Variants in FAR2 observed in about 807,000 individuals in gnomAD.
FAR2 encodes the protein epididymis secretory protein Li 81.
A neutral mutation model predicts 56.0 loss-of-function variants in FAR2; 19 were observed. The ratio of observed to expected loss-of-function variants is 0.34; its 90% CI spans 0.24 to 0.50. The LOEUF is 0.50. FAR2 is among the 20% of genes least tolerant of loss of function. The pLI, the probability that FAR2 is intolerant of heterozygous loss-of-function variation, is 0.98. For missense variants in FAR2, 508 were observed against 642.2 expected (o/e 0.79, Z 2.26); for synonymous variants, 219 against 218.8 (o/e 1.00, Z -0.01).
chr12:29,176,974 C>T (rs1014551694), intron 1 of FAR2, among the ~76,000 whole-genome samples: 8 of 152,216 alleles, frequency 5.3e-5, no homozygotes, highest in African/African-American at 1.9e-4. Context: ...TTAATTTAGC[C>T]ATGCTGACCT....
chr12:29,263,975 T>C (rs938373636), intron 1 of FAR2, among the ~76,000 whole-genome samples: 2 of 152,108 alleles, frequency 1.3e-5, no homozygotes, highest in Non-Finnish European at 2.9e-5. Context: ...AGTATTACCC[T>C]GATACCAAAA....
intron 10 of FAR2, among the ~76,000 whole-genome samples, chr12:29,329,165 A>G (rs1385745729): frequency 6.6e-6 from 1 of 152,246 alleles, no homozygotes; most frequent in Non-Finnish European, 1.5e-5. Flanking sequence ...TCACATATAG[A>G]CAAAATTCTT....
intron 1 of FAR2, among the ~76,000 whole-genome samples, chr12:29,223,508 C>T (rs183315014): frequency 2.6e-5 from 4 of 152,300 alleles, no homozygotes; most frequent in Admixed American, 2.6e-4. Context: ...AACAAAAGGA[C>T]TGGATACTCC....
intron 1 of FAR2, among the ~76,000 whole-genome samples, chr12:29,210,497 C>T (rs1447076928): frequency 6.6e-6 from 1 of 152,078 alleles, no homozygotes; most frequent in East Asian, 1.9e-4. Context: ...GTGGTTTGGC[C>T]TTATTGTATG....
intron 1 of FAR2, among the ~76,000 whole-genome samples, chr12:29,178,729 C>G (rs1306011231): frequency 6.6e-6 from 1 of 152,172 alleles, no homozygotes; most frequent in Admixed American, 6.5e-5. Context: ...ACTAGAGAAA[C>G]TACATTAGAG....
chr12:29,271,280 A>G (rs1948614006), intron 2 of FAR2, among the ~76,000 whole-genome samples: 1 of 152,234 alleles, frequency 6.6e-6, no homozygotes, highest in African/African-American at 2.4e-5. Context: ...TTTAATTTAT[A>G]AATTTCAAGG....
chr12:29,312,456 G>A (rs920161652), intron 8 of FAR2, among the ~76,000 whole-genome samples: 2 of 152,034 alleles, frequency 1.3e-5, no homozygotes, highest in Non-Finnish European at 2.9e-5. Context: ...CTCCACTAGC[G>A]ATTTGTAAAA....
At chr12:29,238,590 T>C (rs1243652359) in intron 1 of FAR2, among the ~76,000 whole-genome samples, 4 of 152,146 alleles carry the variant, frequency 2.6e-5, no homozygotes. Flanking sequence ...ACAAAATGTT[T>C]GGAAACAGCT....
At chr12:29,293,663 T>C in intron 3 of FAR2, 188 bp downstream of exon 3, 1 of 425,312 alleles carries the variant, frequency 2.4e-6, no homozygotes, top group Non-Finnish European at 3.9e-6. Context: ...CCAATTTTTC[T>C]TTATGTATCT....
intron 1 of FAR2, chr12:29,157,106 T>TTATATA (rs5797307): frequency 0.14 from 9,911 of 72,970 alleles, 902 homozygotes; most frequent in East Asian, 0.18. Flanking sequence ...AAAGAACATT[T>TTATATA]TATATATATA....
At chr12:29,308,709 C>G (rs576245502) in intron 5 of FAR2, among the ~76,000 whole-genome samples, 1 of 103,690 alleles carries the variant, frequency 9.6e-6, no homozygotes, top group African/African-American at 4.3e-5. Context: ...CACACACACA[C>G]ACACACACAC....
At chr12:29,170,253 G>A (rs1949872329) in intron 1 of FAR2, among the ~76,000 whole-genome samples, 1 of 152,208 alleles carries the variant, frequency 6.6e-6, no homozygotes, top group Non-Finnish European at 1.5e-5. Flanking sequence ...TTAATCGCCT[G>A]GGAGGAAACA....
At chr12:29,180,130 G>A (rs1028426965) in intron 1 of FAR2, among the ~76,000 whole-genome samples, 10 of 151,954 alleles carry the variant, frequency 6.6e-5, no homozygotes, top group African/African-American at 2.4e-4. Flanking sequence ...TCCCTCAAAG[G>A]CTCACTCACT....
intron 1 of FAR2, among the ~76,000 whole-genome samples, chr12:29,216,875 A>G (rs1194677405): frequency 1.3e-5 from 2 of 152,226 alleles, no homozygotes; most frequent in Admixed American, 6.5e-5. Flanking sequence ...GCTACAAAGC[A>G]CTTTGGTGTA....
At chr12:29,203,613 A>T (rs1269940650) in intron 1 of FAR2, among the ~76,000 whole-genome samples, 1 of 152,188 alleles carries the variant, frequency 6.6e-6, no homozygotes, top group Non-Finnish European at 1.5e-5. Flanking sequence ...TGAATGAAAA[A>T]CTATATTTTG....
chr12:29,234,756 C>T (rs991463467), intron 1 of FAR2, among the ~76,000 whole-genome samples: 2 of 152,198 alleles, frequency 1.3e-5, no homozygotes, highest in African/African-American at 4.8e-5. Context: ...CTTCTCCTGA[C>T]TACAGTAATG....
chr12:29,263,372 A>T (rs558407224), intron 1 of FAR2, among the ~76,000 whole-genome samples: 1 of 152,182 alleles, frequency 6.6e-6, no homozygotes, highest in African/African-American at 2.4e-5. Context: ...AACATGGATC[A>T]TTCTCAAGGA....
intron 1 of FAR2, among the ~76,000 whole-genome samples, chr12:29,261,324 T>A (rs970940950): frequency 7.2e-5 from 11 of 151,902 alleles, no homozygotes; most frequent in Non-Finnish European, 1.6e-4. Context: ...AACATGAGAG[T>A]TGATCCAGCA....
At chr12:29,156,899 T>C (rs1158313986) in intron 1 of FAR2, 1 of 151,810 alleles carries the variant, frequency 6.6e-6, no homozygotes, top group East Asian at 1.9e-4. Flanking sequence ...GGTGCTTGGC[T>C]CTGTTACTGC....
Sources: gnomAD v4.1 joint callset for allele counts (sites outside exome capture counted in the v4.1 genomes callset) on GRCh38, gnomAD v4.1.1 for gene constraint, MANE v1.5 for transcripts, NCBI Gene and HGNC (gene_info 2026-07-23, HGNC 2026-07-21) for gene names.